ZNF385D: variants seen among roughly 807,000 people sequenced by gnomAD.
ZNF385D encodes zinc finger protein 659.
A neutral mutation model predicts 35.8 loss-of-function variants in ZNF385D; 15 were observed. The ratio of observed to expected loss-of-function variants is 0.42; its 90% confidence interval spans 0.28 to 0.64. The LOEUF is 0.64. ZNF385D is among the 30% of genes least tolerant of loss of function. ZNF385D has a pLI of 0.23. For missense variants in ZNF385D, 474 were observed against 494.6 expected, an observed-to-expected ratio of 0.96 and a Z score of 0.39; for synonymous variants, 212 against 186.8, an observed-to-expected ratio of 1.13 and a Z score of -1.10.
intron 3 of ZNF385D, among the ~76,000 whole-genome samples, chr3:22,056,656 T>G (rs1699418264): frequency 6.6e-6 from 1 of 152,238 alleles, no homozygotes; most frequent in East Asian, 1.9e-4. Flanking sequence ...AATTCAAAAC[T>G]ATTGTTCAGT....
At chr3:22,281,569 C>T (rs147142674) in intron 2 of ZNF385D, among the ~76,000 whole-genome samples, 121 of 152,034 alleles carry the variant, frequency 8.0e-4, no homozygotes, top group African/African-American at 2.8e-3. Context: ...ACCATCCCTG[C>T]GCATCCCTTG....
chr3:22,196,320 C>T (rs769522258), intron 2 of ZNF385D, among the ~76,000 whole-genome samples: 2 of 151,772 alleles, frequency 1.3e-5, no homozygotes, highest in Non-Finnish European at 2.9e-5. Flanking sequence ...TATTCTTTGT[C>T]ATTCTTTTAC....
intron 3 of ZNF385D, among the ~76,000 whole-genome samples, chr3:22,109,439 T>A (rs187856976): frequency 1.3e-5 from 2 of 152,328 alleles, no homozygotes; most frequent in Admixed American, 1.3e-4. Context: ...GCTTGAGCTA[T>A]CTGAGGACAA....
At chr3:22,036,512 G>C (rs1351380494) in intron 3 of ZNF385D, among the ~76,000 whole-genome samples, 1 of 151,384 alleles carries the variant, frequency 6.6e-6, no homozygotes, top group Non-Finnish European at 1.5e-5. Flanking sequence ...AACTGAGAAA[G>C]GAAAAATGGA....
chr3:21,664,824 G>A, intron 2 of ZNF385D, 62 bp downstream of exon 2: 2 of 1,607,412 alleles, frequency 1.2e-6, no homozygotes, highest in Non-Finnish European at 8.5e-7. Context: ...ACCAACCCTG[G>A]CCTTTAAGTT....
intron 2 of ZNF385D, among the ~76,000 whole-genome samples, chr3:22,321,001 A>G (rs1305674993): frequency 1.3e-5 from 2 of 151,940 alleles, no homozygotes; most frequent in African/African-American, 4.8e-5. Context: ...AAATTTGCGG[A>G]AAAACATAAT....
At chr3:21,544,438 T>A (rs535892638) in intron 3 of ZNF385D, among the ~76,000 whole-genome samples, 1 of 152,312 alleles carries the variant, frequency 6.6e-6, no homozygotes, top group African/African-American at 2.4e-5. Flanking sequence ...ATGTGTTTTG[T>A]GTTTTTTTTA....
chr3:22,196,555 T>C (rs184117728), intron 2 of ZNF385D, among the ~76,000 whole-genome samples: 200 of 152,140 alleles, frequency 1.3e-3, no homozygotes, highest in Admixed American at 2.4e-3. Context: ...GATAATATTG[T>C]GGTTTATTAT....
In ZNF385D at chr3:21,415,367, A is replaced by G. The variant is rs979481324; in HGVS notation, c.*5847T>C. 1.3e-5 allele frequency: 2 copies of G among 152,124 alleles called. No homozygotes were observed. Among genetic ancestry groups the G allele is most frequent in the African/African-American group, 4.8e-5 (2 of 41,422 alleles). 9.4% of individuals were successfully genotyped at this position (152,124 alleles called of 1,614,324 possible). A position where few individuals can be genotyped will look rare whatever the true frequency, so the allele number is the denominator to read the frequency against. ...ATTGTATGACCCAACTCAAACTGTT[A>G]GCATAATAGTCTTGCTAGAGTGCAT... is the stretch of plus-strand genomic sequence containing the variant. On this transcript the variant is annotated 3_prime_UTR_variant, in exon 8 of 8. Transcript: ENST00000281523.
At chr3:22,228,141 G>A (rs555292506) in intron 2 of ZNF385D, among the ~76,000 whole-genome samples, 1 of 152,316 alleles carries the variant, frequency 6.6e-6, no homozygotes, top group African/African-American at 2.4e-5. Context: ...GCAATCAGAG[G>A]AGATGGCAAT....
rs1559413505 is a variant in ZNF385D at position 21,566,974 on chromosome 3, T to TCAA, written c.166-2291_166-2290insTTG. ...ATGTGGTGATTTGTGTCTGGAATCT[T>TCAA]TCATTCAATACAATGGTGCTCAGAT... On this transcript the variant is annotated intron_variant, in intron 2 of 7. Coordinates refer to ENST00000281523, the MANE Select transcript of ZNF385D (RefSeq NM_024697.3). Among the ~76,000 whole-genome samples, 22 of 152,228 alleles carry TCAA rather than the reference T, an allele frequency of 1.4e-4. No homozygotes were observed. The East Asian group carries it at 2.0e-3, about 13-fold the overall frequency.
intron 1 of ZNF385D, among the ~76,000 whole-genome samples, chr3:21,681,944 G>A (rs558554964): frequency 6.6e-6 from 1 of 152,234 alleles, no homozygotes; most frequent in Admixed American, 6.5e-5. Context: ...TTATGAACTG[G>A]TCAGCCAGTG....
At chr3:22,063,802 T>C (rs1219394676) in intron 3 of ZNF385D, among the ~76,000 whole-genome samples, 1 of 152,188 alleles carries the variant, frequency 6.6e-6, no homozygotes, top group Non-Finnish European at 1.5e-5. Context: ...TGGAGCTATG[T>C]GTCCAGATTC....
intron 3 of ZNF385D, among the ~76,000 whole-genome samples, chr3:21,968,290 G>A (rs1340513080): frequency 1.3e-5 from 2 of 152,270 alleles, no homozygotes; most frequent in African/African-American, 4.8e-5. Flanking sequence ...TCCACCATGG[G>A]CTAAAGGGCT....
intron 4 of ZNF385D, among the ~76,000 whole-genome samples, chr3:21,500,061 C>A (rs533265806): frequency 1.3e-5 from 2 of 152,234 alleles, no homozygotes; most frequent in African/African-American, 4.8e-5. Flanking sequence ...AATCTGAATG[C>A]AATTATGATA....
At chr3:21,682,981 T>C (rs548082376) in intron 1 of ZNF385D, among the ~76,000 whole-genome samples, 4 of 150,120 alleles carry the variant, frequency 2.7e-5, no homozygotes, top group African/African-American at 7.3e-5. Context: ...CAAACTTTAG[T>C]GAGCATCAGA....
chr3:21,865,342 G>C (rs1247749652), intron 3 of ZNF385D, among the ~76,000 whole-genome samples: 1 of 151,764 alleles, frequency 6.6e-6, no homozygotes, highest in Non-Finnish European at 1.5e-5. Context: ...TTGGATACAG[G>C]TCTGACTGAA....
chr3:21,873,650 T>C (rs962575537), intron 3 of ZNF385D, among the ~76,000 whole-genome samples: 33 of 152,244 alleles, frequency 2.2e-4, no homozygotes, highest in Non-Finnish European at 3.8e-4. Context: ...TGCCTCCGCT[T>C]AGGACCTGGA....
intron 2 of ZNF385D, among the ~76,000 whole-genome samples, chr3:21,578,268 T>G (rs1438705752): frequency 6.6e-6 from 1 of 152,196 alleles, no homozygotes; most frequent in Non-Finnish European, 1.5e-5. Context: ...TTTCCTTCAC[T>G]CTACAGGCTG....
Sources: gnomAD v4.1 joint callset for allele counts (sites outside exome capture counted in the v4.1 genomes callset) on GRCh38, gnomAD v4.1.1 for gene constraint, MANE v1.5 for transcripts, NCBI Gene and HGNC (gene_info 2026-07-23, HGNC 2026-07-21) for gene names.